Variants in DOK6 observed in about 807,000 individuals in gnomAD.
The protein encoded by DOK6 is docking protein 6.
DOK6 carries 22 observed loss-of-function variants against 44.0 expected under a neutral mutation model. That is an observed-to-expected ratio of 0.50 (90% CI 0.36 to 0.71). The LOEUF is 0.71. Ranked by LOEUF, DOK6 falls within the 30% of genes least tolerant of loss-of-function variation. The probability of loss-of-function intolerance (pLI) is 0.00; values close to 1 mark genes in which losing one functional copy is unlikely to be tolerated. For missense variants in DOK6, 340 were observed against 416.4 expected (o/e 0.82, Z 1.60); for synonymous variants, 166 against 145.5 (o/e 1.14, Z -1.01).
chr18:69,613,096 C>G (rs981067973), intron 3 of DOK6, among the ~76,000 whole-genome samples: 1 of 152,154 alleles, frequency 6.6e-6, no homozygotes, highest in African/African-American at 2.4e-5. Context: ...GTCTCGAACT[C>G]CTGGGCTCAA....
chr18:69,484,084 G>C (rs1009316750), intron 1 of DOK6, among the ~76,000 whole-genome samples: 6 of 151,882 alleles, frequency 4.0e-5, no homozygotes, highest in Admixed American at 2.6e-4. Context: ...GGATATCATT[G>C]TGACCCTAAT....
chr18:69,641,611 T>A (rs113003314), intron 3 of DOK6, among the ~76,000 whole-genome samples: 6 of 152,348 alleles, frequency 3.9e-5, no homozygotes, highest in African/African-American at 1.4e-4. Context: ...ATTTGACTTA[T>A]AAGCTAGATA....
chr18:69,703,263 G>A (rs1986561895), intron 5 of DOK6, among the ~76,000 whole-genome samples: 1 of 152,154 alleles, frequency 6.6e-6, no homozygotes, highest in African/African-American at 2.4e-5. Context: ...TCTATACTTT[G>A]TAATTAAAAC....
chr18:69,647,933 G>A (rs1985126375), intron 3 of DOK6, among the ~76,000 whole-genome samples: 1 of 152,104 alleles, frequency 6.6e-6, no homozygotes, highest in Non-Finnish European at 1.5e-5. Context: ...TGCAGTTTTA[G>A]CTGCCCAGGG....
At chr18:69,809,956 C>G (rs1383358241) in intron 7 of DOK6, among the ~76,000 whole-genome samples, 1 of 151,836 alleles carries the variant, frequency 6.6e-6, no homozygotes, top group East Asian at 1.9e-4. Context: ...ATTCCAATGA[C>G]ATTTTTTATA....
At chr18:69,455,270 C>A (rs1327236430) in intron 1 of DOK6, among the ~76,000 whole-genome samples, 3 of 150,668 alleles carry the variant, frequency 2.0e-5, no homozygotes, top group Non-Finnish European at 4.4e-5. Context: ...AGAATAGTAA[C>A]TAGTAGGTAT....
intron 3 of DOK6, chr18:69,647,591 C>T (rs61600634): frequency 0.047 from 7,125 of 152,174 alleles, 234 homozygotes; most frequent in East Asian, 0.13. Context: ...GGGTTGTAAG[C>T]GTGTGTGATG....
Position 69,647,885 on chromosome 18 carries a change from G to A in DOK6, c.290-29849G>A, listed in dbSNP as rs570645713. ...AGAGAAATGCCTTTCTCTGCCCGCC[G>A]GCAGGGATATGTTAAACAGGACCCT... On this transcript the variant is annotated intron_variant, in intron 3 of 7. Transcript: ENST00000382713. Among the ~76,000 whole-genome samples the A allele has an allele frequency of 8.1e-4, 124 of 152,214 alleles. 1 individual carries two copies. The highest frequency in any genetic ancestry group is 1.3e-3 in the Non-Finnish European group (90 of 67,998).
chr18:69,508,177 G>A (rs1035745649), intron 1 of DOK6, among the ~76,000 whole-genome samples: 3 of 152,092 alleles, frequency 2.0e-5, no homozygotes, highest in Non-Finnish European at 4.4e-5. Flanking sequence ...AGCCTTCAAT[G>A]TTGAACCAGC....
In DOK6 at chr18:69,529,177, G is replaced by A. The variant is rs1013223413; in HGVS notation, c.67-35310G>A. On this transcript the variant is annotated intron_variant, in intron 1 of 7. Coordinates refer to ENST00000382713, the MANE Select transcript of DOK6 (RefSeq NM_152721.6). Reference sequence around the variant, plus strand: ...GGTAATTTACTGCATAACCGGAATAGGAGTGATATACCAGGAATTATTGAA... The same window carrying A: ...GGTAATTTACTGCATAACCGGAATAAGAGTGATATACCAGGAATTATTGAA... Among the ~76,000 whole-genome samples the A allele has an allele frequency of 2.0e-5, 3 of 152,162 alleles. No homozygotes were observed. In the South Asian group the frequency reaches 6.2e-4, roughly 31 times the overall value.
At chr18:69,563,971 A>G (rs1343165936) in intron 1 of DOK6, among the ~76,000 whole-genome samples, 1 of 152,176 alleles carries the variant, frequency 6.6e-6, no homozygotes, top group Non-Finnish European at 1.5e-5. Context: ...CCTATTACAG[A>G]AGTTCAAAAG....
intron 1 of DOK6, among the ~76,000 whole-genome samples, chr18:69,564,118 T>TTGAG (rs55980558): frequency 0.94 from 142,844 of 151,964 alleles, 67,792 homozygotes; most frequent in East Asian, 1. Flanking sequence ...AGATAGATAA[T>TTGAG]TATTATGTAA....
At chr18:69,613,008 C>G (rs1193499837) in intron 3 of DOK6, among the ~76,000 whole-genome samples, 2 of 151,840 alleles carry the variant, frequency 1.3e-5, no homozygotes, top group African/African-American at 4.8e-5. Flanking sequence ...GAAGCTGGGA[C>G]TACAGCTGTG....
At chr18:69,550,000 A>T (rs9953408) in intron 1 of DOK6, among the ~76,000 whole-genome samples, 3,364 of 151,156 alleles carry the variant, frequency 0.022, 132 homozygotes, top group African/African-American at 0.07. Flanking sequence ...ACATGCCAAG[A>T]TACTTTAGAA....
At chr18:69,654,876 G>A (rs758895076) in intron 3 of DOK6, among the ~76,000 whole-genome samples, 1 of 152,096 alleles carries the variant, frequency 6.6e-6, no homozygotes, top group Non-Finnish European at 1.5e-5. Context: ...GAGCAACATG[G>A]CAAAGCCCCA....
At chr18:69,522,224 C>T (rs567542625) in intron 1 of DOK6, among the ~76,000 whole-genome samples, 1 of 151,098 alleles carries the variant, frequency 6.6e-6, no homozygotes, top group Admixed American at 6.6e-5. Flanking sequence ...ACACACACAC[C>T]CACACACATA....
At chr18:69,728,368 C>T (rs1188435474) in intron 5 of DOK6, among the ~76,000 whole-genome samples, 4 of 152,160 alleles carry the variant, frequency 2.6e-5, no homozygotes, top group African/African-American at 9.7e-5. Flanking sequence ...ACAAGGTTGC[C>T]TCTTAAATCA....
chr18:69,782,511 G>A (rs553139944), intron 7 of DOK6, among the ~76,000 whole-genome samples: 7 of 151,440 alleles, frequency 4.6e-5, no homozygotes, highest in South Asian at 2.1e-4. Flanking sequence ...GCACTCGGCC[G>A]TGTTCTAAGA....
chr18:69,502,191 A>G (rs1981067167), intron 1 of DOK6, among the ~76,000 whole-genome samples: 1 of 152,148 alleles, frequency 6.6e-6, no homozygotes, highest in African/African-American at 2.4e-5. Context: ...AAAGCATGAT[A>G]ATATCATTTA....
Sources: allele counts gnomAD v4.1 joint callset (sites outside exome capture counted in the v4.1 genomes callset), GRCh38; gene constraint gnomAD v4.1.1; transcripts MANE v1.5; gene names NCBI Gene and HGNC (gene_info 2026-07-23, HGNC 2026-07-21).